The following LRRC4C variants were observed in gnomAD, a reference collection of about 807,000 sequenced individuals.
The protein encoded by LRRC4C is leucine-rich repeat-containing protein 4C.
A neutral mutation model predicts 33.6 loss-of-function variants in LRRC4C; 5 were observed. The observed-to-expected ratio is 0.15, with a 90% CI of 0.08 to 0.31. The LOEUF is 0.31. Ranked by LOEUF, LRRC4C falls within the 10% of genes least tolerant of loss-of-function variation. LRRC4C has a pLI of 1.00. For synonymous variants in LRRC4C, 329 were observed against 302.0 expected, an observed-to-expected ratio of 1.09 and a Z score of -0.93; for missense variants, 560 against 796.7, an observed-to-expected ratio of 0.70 and a Z score of 3.58.
intron 1 of LRRC4C, among the ~76,000 whole-genome samples, chr11:41,209,787 A>C (rs891716145): frequency 6.6e-6 from 1 of 152,172 alleles, no homozygotes. Flanking sequence ...GACAGAAGGT[A>C]AAATGTTTTG....
At chr11:41,327,554 C>T (rs1238771995) in intron 1 of LRRC4C, among the ~76,000 whole-genome samples, 2 of 152,134 alleles carry the variant, frequency 1.3e-5, no homozygotes, top group Admixed American at 6.5e-5. Context: ...AAATTATTTG[C>T]TATGCCTCAG....
intron 1 of LRRC4C, among the ~76,000 whole-genome samples, chr11:41,191,497 G>T (rs939410377): frequency 2.6e-4 from 40 of 152,120 alleles, no homozygotes; most frequent in Non-Finnish European, 4.4e-5. Flanking sequence ...GTGGACACCA[G>T]TTTCTATCAT....
intron 1 of LRRC4C, among the ~76,000 whole-genome samples, chr11:41,131,102 G>A (rs552619560): frequency 2.6e-4 from 39 of 152,102 alleles, no homozygotes; most frequent in African/African-American, 8.7e-4. Context: ...CACAAACATT[G>A]GATCAAGTGG....
intron 3 of LRRC4C, among the ~76,000 whole-genome samples, chr11:40,607,551 T>C (rs1960756130): frequency 6.6e-6 from 1 of 152,058 alleles, no homozygotes; most frequent in African/African-American, 2.4e-5. Context: ...TTGAGGGCCA[T>C]CAGAGAAGAG....
At chr11:40,198,917 A>G (rs1290475717) in intron 5 of LRRC4C, among the ~76,000 whole-genome samples, 2 of 152,218 alleles carry the variant, frequency 1.3e-5, no homozygotes, top group African/African-American at 4.8e-5. Flanking sequence ...GAGGTGAGAG[A>G]GAATGCACTT....
chr11:40,891,361 T>C (rs956267164), intron 2 of LRRC4C, among the ~76,000 whole-genome samples: 3 of 152,182 alleles, frequency 2.0e-5, no homozygotes, highest in Non-Finnish European at 4.4e-5. Context: ...AAAAGTATTA[T>C]TTTATTATTT....
intron 3 of LRRC4C, among the ~76,000 whole-genome samples, chr11:40,553,484 T>G (rs2135459261): frequency 6.6e-6 from 1 of 152,312 alleles, no homozygotes; most frequent in Non-Finnish European, 1.5e-5. Flanking sequence ...TTCTCTATTG[T>G]CACTATCATA....
intron 1 of LRRC4C, among the ~76,000 whole-genome samples, chr11:41,213,774 A>C (rs774759027): frequency 6.6e-6 from 1 of 152,228 alleles, no homozygotes; most frequent in African/African-American, 2.4e-5. Flanking sequence ...GAATTACTCC[A>C]GGGCTATCCC....
chr11:40,709,090 A>C (rs1946329622), intron 2 of LRRC4C, among the ~76,000 whole-genome samples: 1 of 151,686 alleles, frequency 6.6e-6, no homozygotes, highest in African/African-American at 2.4e-5. Context: ...TTTTGAGCCT[A>C]TGTGTGTCTC....
chr11:40,776,675 A>C (rs921240816), intron 2 of LRRC4C, among the ~76,000 whole-genome samples: 5 of 152,068 alleles, frequency 3.3e-5, no homozygotes, highest in Non-Finnish European at 7.4e-5. Context: ...TTTCCAAAGA[A>C]ATTTTTGGTT....
At chr11:40,477,291 T>C (rs1336721293) in intron 3 of LRRC4C, among the ~76,000 whole-genome samples, 2 of 151,138 alleles carry the variant, frequency 1.3e-5, no homozygotes, top group East Asian at 3.9e-4. Context: ...GCTACTGAGT[T>C]TGAGAGACAA....
chr11:40,283,072 A>G (rs530967595), intron 4 of LRRC4C, among the ~76,000 whole-genome samples: 1 of 152,348 alleles, frequency 6.6e-6, no homozygotes, highest in African/African-American at 2.4e-5. Flanking sequence ...GCAATGCACA[A>G]CTGCAAGGAC....
At chr11:41,194,760 T>A (rs1377508181) in intron 1 of LRRC4C, among the ~76,000 whole-genome samples, 1 of 152,104 alleles carries the variant, frequency 6.6e-6, no homozygotes, top group East Asian at 1.9e-4. Flanking sequence ...AAGGGCCCTG[T>A]TAAGTTGTGT....
intron 1 of LRRC4C, among the ~76,000 whole-genome samples, chr11:41,176,527 G>A (rs1356941111): frequency 6.6e-6 from 1 of 151,960 alleles, no homozygotes; most frequent in African/African-American, 2.4e-5. Context: ...TCTAGACATG[G>A]TATATATAGC....
At chr11:40,752,221 G>T (rs1365628263) in intron 2 of LRRC4C, among the ~76,000 whole-genome samples, 1 of 152,034 alleles carries the variant, frequency 6.6e-6, no homozygotes, top group Non-Finnish European at 1.5e-5. Flanking sequence ...GACCTCAAAG[G>T]TATAGACGAC....
At chr11:41,393,438 T>A (rs1014534430) in intron 1 of LRRC4C, among the ~76,000 whole-genome samples, 5 of 151,774 alleles carry the variant, frequency 3.3e-5, no homozygotes, top group African/African-American at 1.2e-4. Context: ...AACTGATCCA[T>A]GTGCAATGTC....
chr11:40,490,271 T>C (rs1298303586), intron 3 of LRRC4C, among the ~76,000 whole-genome samples: 1 of 152,186 alleles, frequency 6.6e-6, no homozygotes, highest in East Asian at 1.9e-4. Flanking sequence ...GACATTAATC[T>C]TTTAGTTATT....
At chr11:41,281,793 A>G (rs1039085533) in intron 1 of LRRC4C, among the ~76,000 whole-genome samples, 2 of 152,232 alleles carry the variant, frequency 1.3e-5, no homozygotes, top group African/African-American at 4.8e-5. Context: ...AGCCACTCCA[A>G]CAATCTTTAG....
At position 40,801,693 on chromosome 11, in the gene LRRC4C, T is replaced by C. The variant is rs540800912; in HGVS notation, c.-407+131942A>G. Among the ~76,000 whole-genome samples the C allele has an allele frequency of 2.8e-3, 434 of 152,316 alleles. 2 individuals are homozygous for C. The highest frequency in any genetic ancestry group is 5.2e-3 in the Non-Finnish European group (353 of 68,020). ...TTACTTTTAGAAAGAATTCAATAGG[T>C]ATTATTTCAAAATCTATGCAATTGT... On this transcript the variant is annotated intron_variant, in intron 2 of 6. Coordinates refer to ENST00000528697, the MANE Select transcript of LRRC4C (RefSeq NM_001258419.2).
Sources: allele counts gnomAD v4.1 joint callset (sites outside exome capture counted in the v4.1 genomes callset), GRCh38; gene constraint gnomAD v4.1.1; transcripts MANE v1.5; gene names NCBI Gene and HGNC (gene_info 2026-07-23, HGNC 2026-07-21).